The following PCDHGA5 variants were observed in gnomAD, a reference collection of about 807,000 sequenced individuals.
PCDHGA5 encodes the protein protocadherin gamma subfamily A, 5.
PCDHGA5 carries 36 observed loss-of-function variants against 56.7 expected under a neutral mutation model. That is an observed-to-expected ratio of 0.64 (90% confidence interval 0.49 to 0.84). The LOEUF is 0.84. PCDHGA5 is among the 40% of genes least tolerant of loss of function. PCDHGA5 has a pLI of 0.00. For synonymous variants in PCDHGA5, 563 were observed against 520.2 expected, an observed-to-expected ratio of 1.08 and a Z score of -1.12; for missense variants, 1,305 against 1,201.5, an observed-to-expected ratio of 1.09 and a Z score of -1.27.
chr5:141,438,625 TATATATATATACACAC>T (rs1232816129), intron 1 of PCDHGA5, among the ~76,000 whole-genome samples: 1,472 of 46,190 alleles, frequency 0.032, 16 homozygotes, highest in African/African-American at 0.13. Context: ...TATATATATA[TATATATATATACACAC>T]ACACACACAC....
chr5:141,447,389 C>T (rs1467715872), intron 1 of PCDHGA5, among the ~76,000 whole-genome samples: 1 of 152,150 alleles, frequency 6.6e-6, no homozygotes, highest in African/African-American at 2.4e-5. Context: ...CTGCCCACCT[C>T]GGCCTCCCAA....
intron 1 of PCDHGA5, among the ~76,000 whole-genome samples, chr5:141,474,379 T>A (rs1451968368): frequency 6.6e-6 from 1 of 152,208 alleles, no homozygotes; most frequent in Non-Finnish European, 1.5e-5. Flanking sequence ...GAGGAGGGCA[T>A]TTCTGCATTT....
At chr5:141,492,241 C>T (rs1351937353) in intron 1 of PCDHGA5, among the ~76,000 whole-genome samples, 1 of 152,186 alleles carries the variant, frequency 6.6e-6, no homozygotes, top group African/African-American at 2.4e-5. Flanking sequence ...TGCTGGCCAC[C>T]CCCACGGCCC....
Position 141,376,615 on chromosome 5 carries a change from T to C in PCDHGA5, c.2421+9864T>C, listed in dbSNP as rs917883333. ...GGCTGTTATAGAAGCGAACCTCTTT[T>C]GGTACAGGAAGATTCGTGATTTTGT... On this transcript the variant is annotated intron_variant, in intron 1 of 3. Transcript: ENST00000518069. 24 of 1,439,268 alleles carry C rather than the reference T, an allele frequency of 1.7e-5. 1 individual carries two copies. In the Admixed American group the frequency reaches 2.3e-4, roughly 14 times the overall value. The allele number at this position is 1,439,268 out of a possible 1,614,324, so 89.2% of individuals were successfully genotyped here.
chr5:141,439,150 G>A (rs971023726), intron 1 of PCDHGA5, among the ~76,000 whole-genome samples: 7 of 149,122 alleles, frequency 4.7e-5, no homozygotes, highest in South Asian at 2.1e-4. Flanking sequence ...CTGAGATCAC[G>A]CCACTGCACT....
intron 1 of PCDHGA5, chr5:141,399,194 C>T (rs770516092): frequency 1.2e-6 from 2 of 1,613,838 alleles, no homozygotes; most frequent in South Asian, 1.1e-5. Context: ...CTGGAAAACG[C>T]GGTGCCTGGA....
intron 1 of PCDHGA5, chr5:141,408,489 G>A: frequency 6.2e-7 from 1 of 1,614,076 alleles, no homozygotes; most frequent in Non-Finnish European, 8.5e-7. Flanking sequence ...GAGCAAATAT[G>A]CAAAGAGAGA....
At chr5:141,433,040 A>G in intron 1 of PCDHGA5, 1 of 1,614,086 alleles carries the variant, frequency 6.2e-7, no homozygotes, top group Non-Finnish European at 8.5e-7. Flanking sequence ...TTCCCTCACC[A>G]CGGACTCGCG....
chr5:141,365,354 G>A lies in PCDHGA5; in HGVS notation c.1024G>A (p.Asp342Asn). 6.2e-7 allele frequency: 1 copy of A among 1,613,932 alleles called. No individual in the cohort carries two copies. The highest frequency in any genetic ancestry group is 8.5e-7 in the Non-Finnish European group (1 of 1,179,882). The change falls in exon 1 of 4, where the codon GAC (aspartate) becomes AAC (asparagine). Residue 342 changes from aspartate (D) to asparagine (N), a missense_variant. Asp to Asn is a conservative substitution (Grantham distance 23). Coordinates refer to ENST00000518069, the MANE Select transcript of PCDHGA5 (RefSeq NM_018918.3). ...GGTGGTCACAGTACAGGACGTGAATGACAATGCCCCCGAAGTGATCCTCAC... is the reference window on the plus strand; with the variant it reads ...GGTGGTCACAGTACAGGACGTGAATAACAATGCCCCCGAAGTGATCCTCAC... Reference protein sequence around the residue: ...KVVVTVQDVNDNAPEVILTSL... With the variant: ...KVVVTVQDVNNNAPEVILTSL...
chr5:141,441,752 C>T, intron 1 of PCDHGA5: 2 of 378,086 alleles, frequency 5.3e-6, no homozygotes, highest in Non-Finnish European at 1.1e-5. Context: ...TCGGCGTCAA[C>T]GTGAGCCTGC....
intron 1 of PCDHGA5, chr5:141,371,115 G>A (rs757942462): frequency 1.2e-6 from 2 of 1,613,784 alleles, no homozygotes; most frequent in African/African-American, 1.3e-5. Context: ...TAACCCCCCA[G>A]TATTTACTCA....
In PCDHGA5 at chr5:141,419,493, A is replaced by G. The variant is rs1246204844; in HGVS notation, c.2421+52742A>G. 5.0e-6 allele frequency: 8 copies of G among 1,612,382 alleles called. No individual in the cohort carries two copies. The highest frequency in any genetic ancestry group is 1.7e-4 in the Middle Eastern group (1 of 5,978). On this transcript the variant is annotated intron_variant, in intron 1 of 3. Coordinates refer to ENST00000518069, the MANE Select transcript of PCDHGA5 (RefSeq NM_018918.3). ...CAGGGCTCGCCCGCGCTCAGCGCCA[A>G]TGTGAGCCTGCGCGTGTTGGTGGGC...
chr5:141,394,860 G>A, intron 1 of PCDHGA5: 1 of 1,613,792 alleles, frequency 6.2e-7, no homozygotes, highest in African/African-American at 1.3e-5. Flanking sequence ...GCCTTCGGTC[G>A]ACCCGAACGA....
chr5:141,388,521 ACTGC>A, intron 1 of PCDHGA5: 1 of 1,613,840 alleles, frequency 6.2e-7, no homozygotes, highest in Non-Finnish European at 8.5e-7. Context: ...CTTGACTTTG[ACTGC>A]CTTGGACTTT....
At chr5:141,414,646 A>G in intron 1 of PCDHGA5, 2 of 1,613,928 alleles carry the variant, frequency 1.2e-6, no homozygotes, top group Non-Finnish European at 1.7e-6. Context: ...GAATGCCCAG[A>G]TTATTTACTC....
At chr5:141,413,385 A>G (rs1328460811) in intron 1 of PCDHGA5, 23 of 1,613,870 alleles carry the variant, frequency 1.4e-5, no homozygotes, top group Non-Finnish European at 1.8e-5. Flanking sequence ...GAGTCCGCAT[A>G]GTCTCCAGAG....
At chr5:141,418,743 A>G in intron 1 of PCDHGA5, 5 of 1,613,954 alleles carry the variant, frequency 3.1e-6, no homozygotes, top group African/African-American at 1.3e-5. Context: ...TTCTCTCTGG[A>G]TTACACTACA....
At chr5:141,383,961 C>T (rs768963435) in intron 1 of PCDHGA5, 31 of 1,613,238 alleles carry the variant, frequency 1.9e-5, no homozygotes, top group Non-Finnish European at 2.6e-5. Context: ...CTTTAAGTAG[C>T]TCAATCCCTG....
intron 1 of PCDHGA5, chr5:141,382,820 A>T (rs1369130732): frequency 3.1e-6 from 4 of 1,304,848 alleles, no homozygotes; most frequent in Non-Finnish European, 4.2e-6. Context: ...CCTTCCTAAG[A>T]CAGAGGGGTC....
Sources: allele counts gnomAD v4.1 joint callset (sites outside exome capture counted in the v4.1 genomes callset), GRCh38; gene constraint gnomAD v4.1.1; transcripts MANE v1.5; gene names NCBI Gene and HGNC (gene_info 2026-07-23, HGNC 2026-07-21).